Variants in DSCAM observed in about 807,000 individuals in gnomAD.
The protein encoded by DSCAM is DS cell adhesion molecule, also known as cell adhesion molecule DSCAM.
In DSCAM, 47 loss-of-function variants were observed where a neutral mutation model predicts 217.7. The ratio of observed to expected loss-of-function variants is 0.22; its 90% CI spans 0.17 to 0.28. The LOEUF (loss-of-function observed/expected upper bound fraction) is 0.28, where lower values mean the gene tolerates loss of function less well. DSCAM is among the 10% of genes least tolerant of loss of function. The probability of loss-of-function intolerance (pLI) is 1.00; values close to 1 mark genes in which losing one functional copy is unlikely to be tolerated. For synonymous variants in DSCAM, 1,056 were observed against 1,015.3 expected, an observed-to-expected ratio of 1.04 and a Z score of -0.76; for missense variants, 2,080 against 2,618.3, an observed-to-expected ratio of 0.79 and a Z score of 4.49.
intron 11 of DSCAM, among the ~76,000 whole-genome samples, chr21:40,270,500 C>CTCATATGAGG (rs2073601062): frequency 6.6e-6 from 1 of 152,152 alleles, no homozygotes; most frequent in Non-Finnish European, 1.5e-5. Context: ...TGTTCACAAA[C>CTCATATGAGG]CTGGGACACC....
At chr21:40,295,493 C>T (rs1601526085) in intron 10 of DSCAM, among the ~76,000 whole-genome samples, 1 of 152,068 alleles carries the variant, frequency 6.6e-6, no homozygotes, top group Non-Finnish European at 1.5e-5. Context: ...ATTAGGGGTG[C>T]AAGCAGGGAA....
chr21:40,214,168 T>C (rs963857297), intron 11 of DSCAM, among the ~76,000 whole-genome samples: 3 of 152,220 alleles, frequency 2.0e-5, no homozygotes, highest in African/African-American at 7.2e-5. Context: ...CCCAGCCCAC[T>C]TAGGCTATAA....
At chr21:40,545,714 C>T (rs1466080291) in intron 3 of DSCAM, among the ~76,000 whole-genome samples, 1 of 152,194 alleles carries the variant, frequency 6.6e-6, no homozygotes, top group East Asian at 1.9e-4. Flanking sequence ...AGGCATTGAG[C>T]TGGCACCAGC....
rs547285580 is a variant in DSCAM, at chr21:40,481,183, T to C, written c.509-111938A>G. On this transcript the variant is annotated intron_variant, in intron 3 of 32. Transcript: ENST00000400454. Reference sequence around the variant, plus strand: ...AGAAGCTCCCTGCAGCAAAAGTCACTTCCTGTAGAAAGACCACAAGAACAG... The same window carrying C: ...AGAAGCTCCCTGCAGCAAAAGTCACCTCCTGTAGAAAGACCACAAGAACAG... Among the ~76,000 whole-genome samples the C allele has an allele frequency of 1.1e-4, 16 of 152,248 alleles. No homozygotes were observed. In the East Asian group the frequency reaches 3.1e-3, roughly 29 times the overall value.
intron 11 of DSCAM, among the ~76,000 whole-genome samples, chr21:40,201,476 T>C (rs2091069129): frequency 6.6e-6 from 1 of 152,082 alleles, no homozygotes; most frequent in South Asian, 2.1e-4. Context: ...AGTTTCACTC[T>C]TGTTGACCAA....
At chr21:40,213,870 C>A (rs1030350131) in intron 11 of DSCAM, among the ~76,000 whole-genome samples, 2 of 152,178 alleles carry the variant, frequency 1.3e-5, no homozygotes, top group Non-Finnish European at 1.5e-5. Flanking sequence ...GCTCTTCCCC[C>A]AAAGACAGAA....
intron 3 of DSCAM, among the ~76,000 whole-genome samples, chr21:40,459,867 A>G (rs931222109): frequency 2.0e-5 from 3 of 152,240 alleles, no homozygotes; most frequent in African/African-American, 7.2e-5. Flanking sequence ...AACAGAATCA[A>G]GTATGGATAA....
At chr21:40,791,407 C>T (rs1347822104) in intron 1 of DSCAM, among the ~76,000 whole-genome samples, 1 of 152,154 alleles carries the variant, frequency 6.6e-6, no homozygotes, top group East Asian at 1.9e-4. Context: ...GTAATCCCAG[C>T]ACTTTGGGAG....
intron 3 of DSCAM, among the ~76,000 whole-genome samples, chr21:40,544,298 A>T (rs138025044): frequency 1.5e-4 from 23 of 152,356 alleles, no homozygotes; most frequent in Middle Eastern, 6.8e-3. Context: ...CGGAAACTTC[A>T]CATGAATAGC....
intron 3 of DSCAM, among the ~76,000 whole-genome samples, chr21:40,429,394 G>A (rs983410146): frequency 5.3e-5 from 8 of 151,880 alleles, no homozygotes; most frequent in African/African-American, 1.9e-4. Context: ...AGCCTCCCGA[G>A]TAGCTGGGGT....
At chr21:40,348,058 C>G in intron 5 of DSCAM, 113 bp from the exon 6 acceptor site, 1 of 1,048,018 alleles carries the variant, frequency 9.5e-7, no homozygotes, top group Non-Finnish European at 1.3e-6. Context: ...ATACTCCACA[C>G]AGTTCCCATC....
intron 3 of DSCAM, among the ~76,000 whole-genome samples, chr21:40,422,112 T>C (rs955761831): frequency 5.9e-5 from 9 of 152,202 alleles, no homozygotes; most frequent in African/African-American, 1.7e-4. Flanking sequence ...ATGGCAGACA[T>C]TGCTAATCAA....
intron 1 of DSCAM, among the ~76,000 whole-genome samples, chr21:40,751,036 A>G (rs574717562): frequency 6.6e-6 from 1 of 152,104 alleles, no homozygotes; most frequent in South Asian, 2.1e-4. Context: ...AACCTCCAAC[A>G]TCCTCTCTGT....
At chr21:40,055,533 T>C (rs1481411668) in intron 29 of DSCAM, among the ~76,000 whole-genome samples, 192 bp downstream of exon 29, 1 of 152,188 alleles carries the variant, frequency 6.6e-6, no homozygotes, top group East Asian at 1.9e-4. Context: ...GTGGTATATA[T>C]AAGTCAAATT....
chr21:40,119,805 G>A (rs999523811), intron 20 of DSCAM, among the ~76,000 whole-genome samples: 2 of 152,032 alleles, frequency 1.3e-5, no homozygotes, highest in African/African-American at 4.8e-5. Flanking sequence ...CAGGAGGTCC[G>A]TGTTCCGTGT....
chr21:40,621,441 T>A (rs1310081459), intron 3 of DSCAM: 1 of 152,058 alleles, frequency 6.6e-6, no homozygotes, highest in Non-Finnish European at 1.5e-5. Context: ...TAGGAAAGTA[T>A]AAATTCCCAG....
At chr21:40,698,020 T>C (rs2090614150) in intron 2 of DSCAM, among the ~76,000 whole-genome samples, 2 of 152,214 alleles carry the variant, frequency 1.3e-5, no homozygotes, top group South Asian at 4.1e-4. Flanking sequence ...TCATACTTCT[T>C]TATATTTTTA....
At chr21:40,706,842 G>A (rs1043122819) in intron 2 of DSCAM, among the ~76,000 whole-genome samples, 2 of 152,152 alleles carry the variant, frequency 1.3e-5, no homozygotes, top group African/African-American at 4.8e-5. Flanking sequence ...ATTTGATTTG[G>A]GTAATATGAC....
At chr21:40,785,886 A>G (rs62225161) in intron 1 of DSCAM, among the ~76,000 whole-genome samples, 30,688 of 152,116 alleles carry the variant, frequency 0.2, 3,921 homozygotes, top group African/African-American at 0.36. Flanking sequence ...TCCCATCATC[A>G]TTTTCCATTG....
Sources: allele counts gnomAD v4.1 joint callset (sites outside exome capture counted in the v4.1 genomes callset), GRCh38; gene constraint gnomAD v4.1.1; transcripts MANE v1.5; gene names NCBI Gene and HGNC (gene_info 2026-07-23, HGNC 2026-07-21).